BAZ1A: variants seen among roughly 807,000 people sequenced by gnomAD.
BAZ1A encodes the protein bromodomain adjacent to zinc finger domain protein 1A.
In BAZ1A, 50 loss-of-function variants were observed where a neutral mutation model predicts 185.2. The observed-to-expected ratio is 0.27, with a 90% CI of 0.22 to 0.34. The LOEUF (loss-of-function observed/expected upper bound fraction) is 0.34. BAZ1A is among the 10% of genes least tolerant of loss of function. The pLI, the probability that BAZ1A is intolerant of heterozygous loss-of-function variation, is 1.00. For synonymous variants in BAZ1A, 571 were observed against 615.6 expected (o/e 0.93, Z 1.07); for missense variants, 1,356 against 1,839.9 (o/e 0.74, Z 4.81).
chr14:34,773,457 C>G, intron 20 of BAZ1A, 115 bp downstream of exon 20: 2 of 919,788 alleles, frequency 2.2e-6, no homozygotes, highest in Non-Finnish European at 3.1e-6. Context: ...AAGGTCCTCA[C>G]GACAAGTTTT....
intron 3 of BAZ1A, among the ~76,000 whole-genome samples, chr14:34,841,913 T>C (rs923199476): frequency 1.3e-5 from 2 of 152,326 alleles, no homozygotes; most frequent in Admixed American, 1.3e-4. Context: ...ATAAAAAATA[T>C]ATGATTCAAG....
At chr14:34,819,699 T>C (rs2042058385) in intron 4 of BAZ1A, among the ~76,000 whole-genome samples, 1 of 152,226 alleles carries the variant, frequency 6.6e-6, no homozygotes, top group Non-Finnish European at 1.5e-5. Context: ...GTTGCTTCAA[T>C]GTTTTGGAGG....
Position 34,800,288 on chromosome 14 carries a change from A to AT in BAZ1A, c.1063dup (p.Ile355AsnfsTer3). On this transcript the variant is annotated frameshift_variant, in exon 9 of 27. Transcript: ENST00000360310. LOFTEE classifies it high-confidence loss of function. ...TTTCTTTAGTCTCTCTTCTTCAACA[A>AT]TTTTTTTCAATTCTTCCCTCTTTTT... 4 of 1,464,042 alleles carry AT rather than the reference A, an allele frequency of 2.7e-6. No individual in the cohort carries two copies. Among genetic ancestry groups the AT allele is most frequent in the Admixed American group, 4.4e-5 (2 of 45,076 alleles). 90.7% of individuals were successfully genotyped at this position (1,464,042 alleles called of 1,614,324 possible).
chr14:34,847,707 T>C (rs1404275729), intron 3 of BAZ1A, among the ~76,000 whole-genome samples: 2 of 152,232 alleles, frequency 1.3e-5, no homozygotes, highest in Non-Finnish European at 2.9e-5. Context: ...AGCTCTCTTT[T>C]GTCCTGAACA....
intron 17 of BAZ1A, among the ~76,000 whole-genome samples, chr14:34,779,216 T>C (rs544453359): frequency 1.3e-5 from 2 of 152,300 alleles, no homozygotes; most frequent in South Asian, 2.1e-4. Context: ...TTGGGGGGAT[T>C]ATTCTTTTTC....
At chr14:34,784,148 C>A (rs1880245547) in intron 14 of BAZ1A, among the ~76,000 whole-genome samples, 1 of 151,772 alleles carries the variant, frequency 6.6e-6, no homozygotes, top group Admixed American at 6.6e-5. Context: ...GCGGGCAGAT[C>A]ACCTGAGGTC....
In BAZ1A at chr14:34,783,034, G is replaced by A. The variant is rs1454503271; in HGVS notation, c.2111+85C>T. ...ATAAAAAGACAACTTTTCTAAAAAT[G>A]TGAAAGCATTTTTAGAGTTTAAGGT... On this transcript the variant is annotated intron_variant, in intron 16 of 26. Transcript: ENST00000360310. 18 of 1,077,010 alleles carry A rather than the reference G, an allele frequency of 1.7e-5. 1 individual carries two copies. The South Asian group carries it at 1.8e-4, about 11-fold the overall frequency. 66.7% of individuals were successfully genotyped at this position (1,077,010 alleles called of 1,614,324 possible). A position where few individuals can be genotyped will look rare whatever the true frequency, so the allele number is the denominator to read the frequency against.
intron 2 of BAZ1A, among the ~76,000 whole-genome samples, chr14:34,870,762 A>G (rs2042937294): frequency 1.3e-5 from 2 of 152,248 alleles, no homozygotes; most frequent in South Asian, 4.1e-4. Flanking sequence ...AGAGTCTAGC[A>G]TTATCAGTTA....
At chr14:34,834,949 G>GGA (rs1566587623) in intron 3 of BAZ1A, among the ~76,000 whole-genome samples, 8 of 150,632 alleles carry the variant, frequency 5.3e-5, no homozygotes, top group African/African-American at 2.0e-4. Context: ...CTTACCATTA[G>GGA]CATTCATGTG....
intron 3 of BAZ1A, among the ~76,000 whole-genome samples, chr14:34,845,989 C>A (rs946161325): frequency 6.6e-6 from 1 of 151,994 alleles, no homozygotes; most frequent in African/African-American, 2.4e-5. Flanking sequence ...TTCCTCAGAT[C>A]TGAAACTGTA....
intron 3 of BAZ1A, among the ~76,000 whole-genome samples, chr14:34,845,626 C>T (rs1048166724): frequency 2.0e-5 from 3 of 151,842 alleles, no homozygotes; most frequent in Non-Finnish European, 4.4e-5. Flanking sequence ...TTTGGGAGGC[C>T]GAGGTGGGCG....
At position 34,865,660 on chromosome 14, in the gene BAZ1A, T is replaced by C. The variant is rs927757393; in HGVS notation, c.114-3338A>G. On this transcript the variant is annotated intron_variant, in intron 2 of 26. Transcript: ENST00000360310. Reference sequence around the variant, plus strand: ...ATGAGATCTACAGAAATAGCATGCATATGCCAAGTTATATGGCTCTTAATT... The same window carrying C: ...ATGAGATCTACAGAAATAGCATGCACATGCCAAGTTATATGGCTCTTAATT... Among the ~76,000 whole-genome samples the C allele has an allele frequency of 1.2e-4, 18 of 152,180 alleles. 1 individual carries two copies. Among genetic ancestry groups the C allele is most frequent in the South Asian group, 2.1e-4 (1 of 4,834 alleles).
chr14:34,818,991 A>G (rs992943018), intron 4 of BAZ1A, among the ~76,000 whole-genome samples: 16 of 151,768 alleles, frequency 1.1e-4, no homozygotes, highest in African/African-American at 3.9e-4. Context: ...AATACAAAAA[A>G]TTAGCCGGGC....
rs773500177 is a variant in BAZ1A, at chr14:34,836,378, C to CAAAAAA, written c.393-10228_393-10223dup. 6.9e-4 allele frequency among the ~76,000 whole-genome samples: 9 copies of CAAAAAA among 13,130 alleles called. 2 individuals carry two copies. The highest frequency in any genetic ancestry group is 1.6e-3 in the Admixed American group (1 of 608). The allele number at this position is 13,130 out of a possible 152,430, so 8.6% of individuals were successfully genotyped here. A position where few individuals can be genotyped will look rare whatever the true frequency, so the allele number is the denominator to read the frequency against. On this transcript the variant is annotated intron_variant, in intron 3 of 26. Coordinates refer to ENST00000360310, the MANE Select transcript of BAZ1A (RefSeq NM_013448.3). ...TGGGCGACAGAGCGAGACTCCGTCT[C>CAAAAAA]AAAAAAAAAAAAAAAAAAAAAAAAA...
At chr14:34,758,945 T>C (rs950511597) in intron 24 of BAZ1A, 99 bp from the exon 25 acceptor site, 20 of 1,227,322 alleles carry the variant, frequency 1.6e-5, no homozygotes, top group South Asian at 5.8e-5. Context: ...CAACAGAAAA[T>C]AGACACTCCG....
At chr14:34,780,441 G>A (rs969805052) in intron 16 of BAZ1A, 131 bp from the exon 17 acceptor site, 17 of 841,086 alleles carry the variant, frequency 2.0e-5, no homozygotes, top group Non-Finnish European at 3.0e-5. Context: ...CACAGTTTTG[G>A]TCTTGCAGAG....
At chr14:34,804,746 C>G (rs1881762611) in intron 6 of BAZ1A, among the ~76,000 whole-genome samples, 1 of 152,172 alleles carries the variant, frequency 6.6e-6, no homozygotes, top group Non-Finnish European at 1.5e-5. Context: ...GGTTTCTTCT[C>G]AAATATCACA....
chr14:34,762,456 A>G (rs949554947), intron 23 of BAZ1A, among the ~76,000 whole-genome samples: 9 of 151,756 alleles, frequency 5.9e-5, no homozygotes, highest in South Asian at 2.1e-4. Flanking sequence ...TGCAAAGAGA[A>G]TATTTTATGT....
At position 34,822,106 on chromosome 14, in the gene BAZ1A, C is replaced by G. The variant is rs149219158; in HGVS notation, c.536+3907G>C. On this transcript the variant is annotated intron_variant, in intron 4 of 26. Coordinates refer to ENST00000360310, the MANE Select transcript of BAZ1A (RefSeq NM_013448.3). ...GGTCAGGAGTTTGAGACCAGCCTGT[C>G]CAACATGGCAAAACCCTGTCTCTAC... 5.3e-4 allele frequency among the ~76,000 whole-genome samples: 80 copies of G among 152,114 alleles called. 1 individual carries two copies. The highest frequency in any genetic ancestry group is 1.8e-3 in the African/African-American group (75 of 41,520).
Sources: gnomAD v4.1 joint callset for allele counts (sites outside exome capture counted in the v4.1 genomes callset) on GRCh38, gnomAD v4.1.1 for gene constraint, MANE v1.5 for transcripts, NCBI Gene and HGNC (gene_info 2026-07-23, HGNC 2026-07-21) for gene names.